The following ADAM2 variants were observed in gnomAD, a reference collection of about 807,000 sequenced individuals.
The protein encoded by ADAM2 is ADAM metallopeptidase domain 2.
ADAM2 carries 101 observed loss-of-function variants against 99.3 expected under a neutral mutation model. The ratio of observed to expected loss-of-function variants is 1.02; its 90% CI spans 0.87 to 1.20. The LOEUF (loss-of-function observed/expected upper bound fraction) is 1.20. Ranked by LOEUF, ADAM2 falls within the 50% of genes most tolerant of loss-of-function variation. The pLI is 0.00. For missense variants in ADAM2, 948 were observed against 878.7 expected (o/e 1.08, Z -1.00); for synonymous variants, 323 against 287.6 (o/e 1.12, Z -1.25).
chr8:39,751,769 T>G (rs931527965), intron 16 of ADAM2, among the ~76,000 whole-genome samples: 3 of 152,220 alleles, frequency 2.0e-5, no homozygotes, highest in African/African-American at 7.2e-5. Flanking sequence ...CTAGGCGGAA[T>G]AGGTTCCTAC....
chr8:39,837,989 C>A, intron 1 of ADAM2, 142 bp downstream of exon 1: 1 of 865,970 alleles, frequency 1.2e-6, no homozygotes, highest in African/African-American at 1.7e-5. Context: ...GGGAAGGCGG[C>A]AATGTCGGGG....
intron 7 of ADAM2, among the ~76,000 whole-genome samples, chr8:39,807,084 C>T (rs750231223): frequency 1.3e-5 from 2 of 152,166 alleles, no homozygotes; most frequent in African/African-American, 2.4e-5. Flanking sequence ...GACCACCCAG[C>T]GACCCCACCC....
chr8:39,831,074 C>T (rs1244023309), intron 3 of ADAM2, among the ~76,000 whole-genome samples: 1 of 152,132 alleles, frequency 6.6e-6, no homozygotes, highest in Non-Finnish European at 1.5e-5. Context: ...ACTTCCCAGC[C>T]TCTAGAACTA....
chr8:39,745,759 A>C (rs1204696352), intron 19 of ADAM2, among the ~76,000 whole-genome samples: 2 of 152,220 alleles, frequency 1.3e-5, no homozygotes, highest in East Asian at 3.9e-4. Flanking sequence ...CTTTCATTAA[A>C]ATAGCATAAA....
chr8:39,813,140 G>A (rs1473711392), intron 6 of ADAM2, among the ~76,000 whole-genome samples: 4 of 152,090 alleles, frequency 2.6e-5, no homozygotes, highest in Admixed American at 6.6e-5. Flanking sequence ...AAAAGAAGAC[G>A]TTTATGCAGC....
chr8:39,796,448 G>A (rs972013509), intron 7 of ADAM2, among the ~76,000 whole-genome samples: 6 of 152,026 alleles, frequency 3.9e-5, no homozygotes, highest in African/African-American at 1.5e-4. Context: ...TTATTGATGG[G>A]CATTTGACTT....
intron 3 of ADAM2, among the ~76,000 whole-genome samples, chr8:39,826,424 T>C (rs1204794518): frequency 1.3e-5 from 2 of 151,928 alleles, no homozygotes; most frequent in African/African-American, 2.4e-5. Context: ...TCACACACCA[T>C]ATTAAAAAAG....
intron 3 of ADAM2, among the ~76,000 whole-genome samples, chr8:39,827,736 A>AAATGGG (rs1805467143): frequency 6.6e-6 from 1 of 152,084 alleles, no homozygotes; most frequent in South Asian, 2.1e-4. Flanking sequence ...GAGAGTGGGA[A>AAATGGG]AATGGGAGAT....
chr8:39,786,857 C>G (rs1327175237), intron 10 of ADAM2, 117 bp downstream of exon 10: 1 of 705,326 alleles, frequency 1.4e-6, no homozygotes, highest in African/African-American at 1.9e-5. Context: ...CTGTCAGCAA[C>G]AGTGACAAAG....
Position 39,769,570 on chromosome 8 carries a change from A to G in ADAM2, c.1034T>C (p.Phe345Ser). ...VCIMNPEAIH[F>S]SGVKIFSNCS... ...GTTACTAAAGATCTTCACACCACTG[A>G]AATGACTAAAGACACATCAAACGTC... Residue 345 changes from phenylalanine to serine, a missense_variant, in exon 12 of 21, where the codon TTC (phenylalanine) becomes TCC (serine). Transcript: ENST00000265708. 1 of 1,611,336 alleles carries G rather than the reference A, an allele frequency of 6.2e-7. No individual in the cohort carries two copies. Among genetic ancestry groups the G allele is most frequent in the South Asian group, 1.1e-5 (1 of 90,944 alleles).
At chr8:39,805,857 A>G (rs1804414783) in intron 7 of ADAM2, among the ~76,000 whole-genome samples, 1 of 152,210 alleles carries the variant, frequency 6.6e-6, no homozygotes, top group Non-Finnish European at 1.5e-5. Flanking sequence ...ATTTTAAGCA[A>G]CAGATCAGAA....
rs984076856 is a variant in ADAM2 at position 39,818,636 on chromosome 8, CTATCTT to C, written c.513+2360_513+2365del. ...CCTAGTTGGAAAGAAACAAGATAAA[CTATCTT>C]TATTCAAGATGGCATGACCATGTAC... On this transcript the variant is annotated intron_variant, in intron 6 of 20. Coordinates refer to ENST00000265708, the MANE Select transcript of ADAM2 (RefSeq NM_001464.5). Among the ~76,000 whole-genome samples, 15 of 152,110 alleles carry C rather than the reference CTATCTT, an allele frequency of 9.9e-5. 1 individual carries two copies. Among genetic ancestry groups the C allele is most frequent in the African/African-American group, 3.6e-4 (15 of 41,548 alleles).
chr8:39,826,365 C>T (rs945069777), intron 3 of ADAM2, among the ~76,000 whole-genome samples: 1 of 152,160 alleles, frequency 6.6e-6, no homozygotes, highest in Non-Finnish European at 1.5e-5. Flanking sequence ...AATGAAATCA[C>T]ATAGAGAAAA....
At chr8:39,753,942 A>G (rs1802056873) in intron 16 of ADAM2, among the ~76,000 whole-genome samples, 1 of 152,170 alleles carries the variant, frequency 6.6e-6, no homozygotes, top group South Asian at 2.1e-4. Context: ...TATTCTGTGA[A>G]AGTTCTTTAC....
chr8:39,785,395 A>C (rs920991611), intron 10 of ADAM2, among the ~76,000 whole-genome samples: 1 of 152,248 alleles, frequency 6.6e-6, no homozygotes, highest in Non-Finnish European at 1.5e-5. Context: ...TGAGGAAAAC[A>C]GACTGCTTAT....
At chr8:39,791,374 A>C (rs1284053163) in intron 7 of ADAM2, among the ~76,000 whole-genome samples, 1 of 152,074 alleles carries the variant, frequency 6.6e-6, no homozygotes, top group African/African-American at 2.4e-5. Flanking sequence ...TGCCTGACAC[A>C]GCTTATGTCT....
At chr8:39,753,314 G>C (rs992856744) in intron 16 of ADAM2, among the ~76,000 whole-genome samples, 5 of 152,044 alleles carry the variant, frequency 3.3e-5, no homozygotes, top group African/African-American at 1.2e-4. Context: ...GTGGAACTCT[G>C]AACTTGAGAG....
intron 3 of ADAM2, among the ~76,000 whole-genome samples, chr8:39,831,036 A>G (rs1025257039): frequency 1.3e-5 from 2 of 152,166 alleles, no homozygotes; most frequent in Non-Finnish European, 2.9e-5. Context: ...TTCACCAGGC[A>G]CTGAATCTGC....
At chr8:39,754,317 G>A (rs964475550) in intron 16 of ADAM2, among the ~76,000 whole-genome samples, 1 of 152,094 alleles carries the variant, frequency 6.6e-6, no homozygotes, top group Non-Finnish European at 1.5e-5. Context: ...ACTGAGTCTG[G>A]ATCATTGATG....
Sources: allele counts gnomAD v4.1 joint callset (sites outside exome capture counted in the v4.1 genomes callset), GRCh38; gene constraint gnomAD v4.1.1; transcripts MANE v1.5; gene names NCBI Gene and HGNC (gene_info 2026-07-23, HGNC 2026-07-21).